The following TMEM63A variants were observed in gnomAD, a reference collection of about 807,000 sequenced individuals.
The protein encoded by TMEM63A is mechanosensitive cation channel TMEM63A.
Under a neutral mutation model 100.6 loss-of-function variants are expected in TMEM63A, and 76 were observed. The observed-to-expected ratio is 0.76, with a 90% CI of 0.63 to 0.91. The LOEUF is 0.91. TMEM63A is among the 40% of genes least tolerant of loss of function. The probability of loss-of-function intolerance (pLI) is 0.00; values close to 1 mark genes in which losing one functional copy is unlikely to be tolerated. For synonymous variants in TMEM63A, 401 were observed against 401.1 expected, an observed-to-expected ratio of 1.00 and a Z score of 0.00; for missense variants, 876 against 1,008.8, an observed-to-expected ratio of 0.87 and a Z score of 1.78.
intron 18 of TMEM63A, among the ~76,000 whole-genome samples, chr1:225,854,867 C>T (rs1212113307): frequency 2.0e-5 from 3 of 152,092 alleles, no homozygotes; most frequent in East Asian, 1.9e-4. Flanking sequence ...TGGGAGAGAA[C>T]CCACCAAGGA....
At chr1:225,878,466 A>G (rs899037079) in intron 2 of TMEM63A, among the ~76,000 whole-genome samples, 1 of 152,104 alleles carries the variant, frequency 6.6e-6, no homozygotes, top group Non-Finnish European at 1.5e-5. Flanking sequence ...CAGCATTTCC[A>G]AAGCAAACAC....
At chr1:225,876,764 C>T (rs1210840718) in intron 3 of TMEM63A, among the ~76,000 whole-genome samples, 2 of 152,034 alleles carry the variant, frequency 1.3e-5, no homozygotes, top group East Asian at 1.9e-4. Context: ...TCTCCTGCCT[C>T]GGCCTCCAGA....
In TMEM63A at chr1:225,860,963, T is replaced by C. The variant is rs777967561; in HGVS notation, c.1120A>G (p.Ser374Gly). ...TGGGGCTCACCTTTGCACTGAAGGC[T>C]CTGACACTTGCAGGCATTGAAATCT... ...LKDFNACKCQ[S>G]LQCKGEPQPS... Residue 374 changes from serine to glycine, a missense_variant, in exon 14 of 25, where the codon AGC (serine) becomes GGC (glycine). Ser to Gly is a moderately conservative substitution (Grantham distance 56, BLOSUM62 0). Transcript: ENST00000366835. 3 of 1,612,360 alleles carry C rather than the reference T, an allele frequency of 1.9e-6. No homozygotes were observed. The African/African-American group carries it at 4.0e-5, about 22-fold the overall frequency.
chr1:225,844,187 G>A (rs763671357), downstream of TMEM63A, among the ~76,000 whole-genome samples: 21 of 152,140 alleles, frequency 1.4e-4, no homozygotes, highest in Non-Finnish European at 2.5e-4. Flanking sequence ...GCCCTGAGCA[G>A]TTTCACGGTG....
intron 20 of TMEM63A, among the ~76,000 whole-genome samples, chr1:225,850,360 C>G (rs1381678491): frequency 5.1e-5 from 7 of 136,518 alleles, no homozygotes. Context: ...AGACACAAAC[C>G]TTCTTGGAAA....
chr1:225,867,297 G>C lies in TMEM63A; in HGVS notation c.515-134C>G. ...ACCAGCAGGAAGACAACGTCTGACT[G>C]GTCTTTCCAGAGCTACACCATCAAG... On this transcript the variant is annotated intron_variant, in intron 7 of 24. Transcript: ENST00000366835. The surrounding 1 kb of genome is among the most constrained non-coding windows in gnomAD (Gnocchi z 4.6). 1.1e-6 allele frequency: 1 copy of C among 913,342 alleles called. No individual in the cohort carries two copies. The highest frequency in any genetic ancestry group is 1.4e-5 in the South Asian group (1 of 74,072). The allele number at this position is 913,342 out of a possible 1,614,324, so 56.6% of individuals were successfully genotyped here. A position where few individuals can be genotyped will look rare whatever the true frequency, so the allele number is the denominator to read the frequency against.
Position 225,865,920 on chromosome 1 carries a change from C to T in TMEM63A, c.723G>A (p.Lys241=), listed in dbSNP as rs766373154. The part of the protein sequence containing the change: ...FITGLPRDAR[K]ETVESHFRDA... ...ACCGGAAGTGGCTCTCCACAGTCTC[C>T]TTCCTGGCATCTCTGGGGAGTCCTG... Residue 241 remains lysine, a synonymous_variant, in exon 10 of 25, where the codon AAG becomes AAA. Transcript: ENST00000366835. The surrounding 1 kb of genome is among the most constrained non-coding windows in gnomAD (Gnocchi z 4.6). The T allele has an allele frequency of 6.2e-7, 1 of 1,614,072 alleles. No homozygotes were observed. Among genetic ancestry groups the T allele is most frequent in the East Asian group, 2.2e-5 (1 of 44,876 alleles).
Position 225,867,324 on chromosome 1 carries a change from C to A in TMEM63A, c.515-161G>T, listed in dbSNP as rs891212768. On this transcript the variant is annotated intron_variant, in intron 7 of 24. Coordinates refer to ENST00000366835, the MANE Select transcript of TMEM63A (RefSeq NM_014698.3). This position sits in a 1 kb window ranked among gnomAD's most constrained non-coding sequence, Gnocchi z 4.6. Reference sequence around the variant, plus strand: ...TCTTTCCAGAGCTACACCATCAAGGCCTCTGCTTGAAACCAAAATGCTCCC... The same window carrying A: ...TCTTTCCAGAGCTACACCATCAAGGACTCTGCTTGAAACCAAAATGCTCCC... 6.6e-6 allele frequency among the ~76,000 whole-genome samples: 1 copy of A among 152,116 alleles called. No homozygotes were observed. The highest frequency in any genetic ancestry group is 2.4e-5 in the African/African-American group (1 of 41,402).
rs761447028 is a variant in TMEM63A, at chr1:225,845,549, G to A, written c.*1390C>T. On this transcript the variant is annotated 3_prime_UTR_variant, in exon 25 of 25. Transcript: ENST00000366835. ...AAGCAACATGGCTTTGATGATAAAC[G>A]ACTTTACTCTAAAAGCGGCTGGAAC... The A allele has an allele frequency of 1.1e-5, 7 of 620,564 alleles. No individual in the cohort carries two copies. Among genetic ancestry groups the A allele is most frequent in the Non-Finnish European group, 2.0e-5 (7 of 354,420 alleles). 38.4% of individuals were successfully genotyped at this position (620,564 alleles called of 1,614,324 possible).
At chr1:225,863,158 A>C in intron 10 of TMEM63A, 5 of 330,202 alleles carry the variant, frequency 1.5e-5, no homozygotes, top group East Asian at 6.8e-5. Flanking sequence ...GGCTCAATCA[A>C]TCCTCCCACC....
intron 13 of TMEM63A, chr1:225,861,580 G>A (rs1399797919): frequency 6.4e-6 from 1 of 155,094 alleles, no homozygotes; most frequent in Non-Finnish European, 1.4e-5. Context: ...TCCTGTGTGA[G>A]TCCATTCCTA....
intron 6 of TMEM63A, among the ~76,000 whole-genome samples, chr1:225,868,321 G>A (rs920402303): frequency 6.6e-6 from 1 of 152,066 alleles, no homozygotes; most frequent in Non-Finnish European, 1.5e-5. Flanking sequence ...TACGTGTGTG[G>A]GAAAGGTACG....
Position 225,862,634 on chromosome 1 carries a change from C to G in TMEM63A, c.828-56G>C. ...CAGATTTAGAATCCTGTGGCAGGGA[C>G]CCCCATACCCACAGTTCAACCATCG... On this transcript the variant is annotated intron_variant, in intron 11 of 24. Coordinates refer to ENST00000366835, the MANE Select transcript of TMEM63A (RefSeq NM_014698.3). The surrounding 1 kb of genome is among the most constrained non-coding windows in gnomAD (Gnocchi z 5.1). 1.2e-6 allele frequency: 2 copies of G among 1,601,196 alleles called. No homozygotes were observed. The highest frequency in any genetic ancestry group is 1.7e-6 in the Non-Finnish European group (2 of 1,172,026).
At chr1:225,843,167 T>C (rs563203531), downstream of TMEM63A, among the ~76,000 whole-genome samples, 1 of 152,174 alleles carries the variant, frequency 6.6e-6, no homozygotes, top group Admixed American at 6.5e-5. Context: ...TACATAGATG[T>C]TGAATGAATG....
downstream of TMEM63A, chr1:225,844,393 G>A: frequency 3.2e-6 from 5 of 1,577,670 alleles, no homozygotes; most frequent in African/African-American, 4.0e-5. Context: ...TCTGAGGAGG[G>A]AAGCCGCATG....
chr1:225,875,912 A>C (rs1308653584), intron 3 of TMEM63A, among the ~76,000 whole-genome samples: 1 of 151,786 alleles, frequency 6.6e-6, no homozygotes, highest in Non-Finnish European at 1.5e-5. Context: ...CCAAAAATAC[A>C]AAAATAACCC....
At chr1:225,850,990 C>A (rs1024388629) in intron 20 of TMEM63A, among the ~76,000 whole-genome samples, 1 of 152,156 alleles carries the variant, frequency 6.6e-6, no homozygotes, top group Non-Finnish European at 1.5e-5. Flanking sequence ...GGATTACAGG[C>A]GAGAGCCACC....
At chr1:225,840,607 C>T (rs887887306), downstream of TMEM63A, among the ~76,000 whole-genome samples, 5 of 152,236 alleles carry the variant, frequency 3.3e-5, no homozygotes, top group African/African-American at 9.6e-5. Context: ...TCAACATCCA[C>T]AGAGTAATAT....
In TMEM63A at chr1:225,858,988, GTGTGTGTGTA is replaced by G; in HGVS notation, c.1377+198_1377+207del. ...TGTGTGTGTGTGTGTGTGTGTGTGT[GTGTGTGTGTA>G]TGGCATTACTATAAGGACTTTGTAA... is the stretch of plus-strand genomic sequence containing the variant. On this transcript the variant is annotated intron_variant, in intron 15 of 24. Coordinates refer to ENST00000366835, the MANE Select transcript of TMEM63A (RefSeq NM_014698.3). Among the ~76,000 whole-genome samples the G allele has an allele frequency of 4.9e-5, 7 of 143,458 alleles. 1 individual carries two copies. The highest frequency in any genetic ancestry group is 1.8e-4 in the African/African-American group (7 of 38,286). The allele number at this position is 143,458 out of a possible 152,430, so 94.1% of individuals were successfully genotyped here.
Sources: gnomAD v4.1 joint callset for allele counts (sites outside exome capture counted in the v4.1 genomes callset) on GRCh38, gnomAD v4.1.1 for gene constraint, Gnocchi (gnomAD v3.1) non-coding constraint, MANE v1.5 for transcripts, NCBI Gene and HGNC (gene_info 2026-07-23, HGNC 2026-07-21) for gene names.